Variants in VOPP1 observed in about 807,000 individuals in gnomAD.
The protein encoded by VOPP1 is VOPP1 WW domain binding protein.
In VOPP1, 8 loss-of-function variants were observed where a neutral mutation model predicts 23.5. That is an observed-to-expected ratio of 0.34 (90% CI 0.20 to 0.61). VOPP1 has a LOEUF of 0.61. Among genes scored for constraint, VOPP1 ranks in the 20% least tolerant of loss-of-function variants. The probability of loss-of-function intolerance (pLI) is 0.78; values close to 1 mark genes in which losing one functional copy is unlikely to be tolerated. For missense variants in VOPP1, 174 were observed against 238.1 expected, an observed-to-expected ratio of 0.73 and a Z score of 1.77; for synonymous variants, 83 against 97.3, an observed-to-expected ratio of 0.85 and a Z score of 0.86.
intron 1 of VOPP1, among the ~76,000 whole-genome samples, chr7:55,527,925 T>C (rs1796281596): frequency 7.2e-6 from 1 of 138,726 alleles, no homozygotes; most frequent in Non-Finnish European, 1.5e-5. Context: ...AGAGTACCCT[T>C]TGCAGACAAG....
chr7:55,560,462 G>A (rs1797949054), intron 1 of VOPP1, among the ~76,000 whole-genome samples: 1 of 152,172 alleles, frequency 6.6e-6, no homozygotes, highest in Non-Finnish European at 1.5e-5. Context: ...AGAAGACACA[G>A]AATCGCTGGC....
chr7:55,511,604 A>T (rs1176263898), intron 2 of VOPP1, among the ~76,000 whole-genome samples: 2 of 152,196 alleles, frequency 1.3e-5, no homozygotes, highest in Non-Finnish European at 2.9e-5. Flanking sequence ...TTCCATTCAA[A>T]GTCATCCTCT....
At chr7:55,505,129 T>C (rs1794625337) in intron 2 of VOPP1, among the ~76,000 whole-genome samples, 2 of 152,184 alleles carry the variant, frequency 1.3e-5, no homozygotes, top group Admixed American at 6.5e-5. Flanking sequence ...GTCACTGACA[T>C]GAAGGATATG....
chr7:55,525,813 A>C (rs912207481), intron 1 of VOPP1, among the ~76,000 whole-genome samples: 19 of 143,960 alleles, frequency 1.3e-4, no homozygotes, highest in Non-Finnish European at 2.6e-4. Flanking sequence ...AAAAAAAAAA[A>C]AAACCTTAAA....
At chr7:55,537,520 C>G (rs1425442349) in intron 1 of VOPP1, 9 of 1,536,128 alleles carry the variant, frequency 5.9e-6, no homozygotes, top group East Asian at 4.9e-5. Context: ...TGAGCCCGTC[C>G]TTCGCATTCT....
At chr7:55,447,070 C>T (rs757551803) in intron 4 of VOPP1, among the ~76,000 whole-genome samples, 2 of 152,198 alleles carry the variant, frequency 1.3e-5, no homozygotes, top group Admixed American at 6.5e-5. Context: ...GTGAAATCTT[C>T]CCCAGGGGCT....
At chr7:55,540,875 TTACA>T (rs1466250398) in intron 1 of VOPP1, among the ~76,000 whole-genome samples, 5 of 152,072 alleles carry the variant, frequency 3.3e-5, no homozygotes, top group African/African-American at 1.2e-4. Flanking sequence ...CTGAGAAGGC[TTACA>T]TAAATACCAT....
chr7:55,447,086 G>A (rs985525496), intron 4 of VOPP1, among the ~76,000 whole-genome samples: 5 of 152,208 alleles, frequency 3.3e-5, no homozygotes, highest in African/African-American at 1.2e-4. Flanking sequence ...GGGCTCCAGT[G>A]TGGAGTTCTA....
chr7:55,450,224 T>C (rs1420748854), intron 4 of VOPP1, among the ~76,000 whole-genome samples: 2 of 152,166 alleles, frequency 1.3e-5, no homozygotes, highest in Non-Finnish European at 2.9e-5. Flanking sequence ...CTGGTCCTAG[T>C]GTTACCTCCC....
rs1291338241 is a variant in VOPP1, at chr7:55,572,235, C to T, written c.54+36G>A. The T allele has an allele frequency of 4.0e-6, 6 of 1,500,312 alleles. No homozygotes were observed. In the South Asian group the frequency reaches 7.4e-5, roughly 19 times the overall value. The allele number at this position is 1,500,312 out of a possible 1,614,324, so 92.9% of individuals were successfully genotyped here. ...CCCCCAGCCGCCAGCATGGTGGGCG[C>T]CGCGCCTCCGGCAGCACCCGGTCCC... On this transcript the variant is annotated intron_variant, in intron 1 of 4. Coordinates refer to ENST00000285279, the MANE Select transcript of VOPP1 (RefSeq NM_030796.5).
intron 4 of VOPP1, among the ~76,000 whole-genome samples, chr7:55,447,856 C>G (rs1366260917): frequency 6.6e-6 from 1 of 152,024 alleles, no homozygotes; most frequent in Non-Finnish European, 1.5e-5. Context: ...GTGAAGAACT[C>G]TTGTAATAAA....
At chr7:55,489,733 G>C (rs1234497501) in intron 4 of VOPP1, among the ~76,000 whole-genome samples, 1 of 152,134 alleles carries the variant, frequency 6.6e-6, no homozygotes, top group Non-Finnish European at 1.5e-5. Context: ...GGTTTACCAG[G>C]CTGCAAACCT....
At position 55,560,732 on chromosome 7, in the gene VOPP1, GTTC is replaced by G. The variant is rs576671212; in HGVS notation, c.54+11536_54+11538del. ...GTAATGAACACAGAGGTCACAGCAAGTTCTTCTCTAGTAGGCCAGTAGCCTCAC... is the reference window on the plus strand; with the variant it reads ...GTAATGAACACAGAGGTCACAGCAAGTTCTCTAGTAGGCCAGTAGCCTCAC... On this transcript the variant is annotated intron_variant, in intron 1 of 4. Transcript: ENST00000285279. Among the ~76,000 whole-genome samples, 25 of 152,260 alleles carry G rather than the reference GTTC, an allele frequency of 1.6e-4. 1 individual carries two copies. The South Asian group carries it at 4.8e-3, about 29-fold the overall frequency.
chr7:55,475,022 T>C (rs1451135450), intron 4 of VOPP1, among the ~76,000 whole-genome samples: 2 of 152,160 alleles, frequency 1.3e-5, no homozygotes, highest in Non-Finnish European at 2.9e-5. Flanking sequence ...TTTCACACCA[T>C]GGTAGACACA....
At chr7:55,457,597 T>C (rs1791399746) in intron 4 of VOPP1, among the ~76,000 whole-genome samples, 1 of 150,850 alleles carries the variant, frequency 6.6e-6, no homozygotes. Flanking sequence ...AAGAGTTCCC[T>C]TTTCTCCATA....
intron 4 of VOPP1, among the ~76,000 whole-genome samples, chr7:55,445,270 CACACACAG>C (rs1308913485): frequency 6.8e-5 from 4 of 58,420 alleles, no homozygotes; most frequent in East Asian, 2.2e-3. Context: ...CACAGACATA[CACACACAG>C]ACACACACAC....
intron 4 of VOPP1, among the ~76,000 whole-genome samples, chr7:55,476,373 G>A (rs1792251216): frequency 7.4e-6 from 1 of 134,662 alleles, no homozygotes; most frequent in Non-Finnish European, 1.6e-5. Flanking sequence ...CAGGCAGCCT[G>A]TATTCTTAGC....
At chr7:55,486,551 A>C (rs988841068) in intron 4 of VOPP1, among the ~76,000 whole-genome samples, 2 of 152,160 alleles carry the variant, frequency 1.3e-5, no homozygotes. Flanking sequence ...GTGGAAACAC[A>C]TTCCTGCTGG....
chr7:55,543,566 AC>A (rs1797233381), intron 1 of VOPP1, among the ~76,000 whole-genome samples: 1 of 152,140 alleles, frequency 6.6e-6, no homozygotes, highest in Non-Finnish European at 1.5e-5. Context: ...CCATATCCTC[AC>A]CATTTATTTT....
Sources: allele counts gnomAD v4.1 joint callset (sites outside exome capture counted in the v4.1 genomes callset), GRCh38; gene constraint gnomAD v4.1.1; transcripts MANE v1.5; gene names NCBI Gene and HGNC (gene_info 2026-07-23, HGNC 2026-07-21).